The following DLGAP1 variants were observed in gnomAD, a reference collection of about 807,000 sequenced individuals.
The protein encoded by DLGAP1 is DLG associated protein 1, also known as disks large-associated protein 1.
A neutral mutation model predicts 90.8 loss-of-function variants in DLGAP1; 11 were observed. The observed-to-expected ratio is 0.12, with a 90% CI of 0.08 to 0.20. The LOEUF is 0.20. Among genes scored for constraint, DLGAP1 ranks in the 10% least tolerant of loss-of-function variants. The probability of loss-of-function intolerance (pLI) is 1.00; values close to 1 mark genes in which losing one functional copy is unlikely to be tolerated. For synonymous variants in DLGAP1, 558 were observed against 540.7 expected (o/e 1.03, Z -0.44); for missense variants, 1,050 against 1,333.8 (o/e 0.79, Z 3.31).
At chr18:3,730,601 TA>T (rs2062388167) in intron 6 of DLGAP1, among the ~76,000 whole-genome samples, 1 of 152,164 alleles carries the variant, frequency 6.6e-6, no homozygotes, top group South Asian at 2.1e-4. Context: ...ACCGAGAATT[TA>T]ACAAATTAAA....
intron 7 of DLGAP1, among the ~76,000 whole-genome samples, chr18:3,702,337 T>C (rs147185928): frequency 5.4e-4 from 82 of 152,366 alleles, no homozygotes; most frequent in Middle Eastern, 3.4e-3. Context: ...CTACCTTGAA[T>C]TTTAAAATAG....
chr18:3,984,780 C>T (rs2073808620), intron 3 of DLGAP1, among the ~76,000 whole-genome samples: 1 of 151,960 alleles, frequency 6.6e-6, no homozygotes, highest in African/African-American at 2.4e-5. Context: ...GTCTCACCAG[C>T]CCAGGTTCAT....
chr18:4,101,237 T>C (rs1033675936), intron 2 of DLGAP1, among the ~76,000 whole-genome samples: 1 of 152,130 alleles, frequency 6.6e-6, no homozygotes, highest in Non-Finnish European at 1.5e-5. Flanking sequence ...GAGGCCACTG[T>C]GGGATTACTA....
intron 4 of DLGAP1, chr18:3,874,552 C>A: frequency 6.8e-7 from 1 of 1,472,828 alleles, no homozygotes; most frequent in Non-Finnish European, 8.9e-7. Flanking sequence ...ACAACAAAAA[C>A]CACCTTTTAT....
rs562448050 is a variant in DLGAP1, at chr18:3,700,763, C to A, written c.1591+28372G>T. 2.6e-5 allele frequency among the ~76,000 whole-genome samples: 4 copies of A among 152,082 alleles called. No homozygotes were observed. In the South Asian group the frequency reaches 8.3e-4, roughly 32 times the overall value. On this transcript the variant is annotated intron_variant, in intron 7 of 12. Transcript: ENST00000315677. ...TAGCTGGGACTACAGGCGCCCACCA[C>A]CACGCCCGGCTAATTTTTTGTACTT...
chr18:3,532,469 C>T (rs999074814), intron 10 of DLGAP1, among the ~76,000 whole-genome samples: 4 of 151,510 alleles, frequency 2.6e-5, no homozygotes, highest in Admixed American at 6.6e-5. Flanking sequence ...ATCCCAGCTA[C>T]CTGGAGGCTG....
At chr18:3,779,659 C>T (rs1298066181) in intron 5 of DLGAP1, among the ~76,000 whole-genome samples, 2 of 152,166 alleles carry the variant, frequency 1.3e-5, no homozygotes, top group East Asian at 3.9e-4. Context: ...GTTTAAATCC[C>T]ATCTCCTCCA....
intron 5 of DLGAP1, among the ~76,000 whole-genome samples, chr18:3,792,101 C>T (rs1227698263): frequency 2.6e-5 from 4 of 152,308 alleles, no homozygotes; most frequent in Admixed American, 2.0e-4. Flanking sequence ...GCCCTATGCC[C>T]CAGCCCTGTA....
At chr18:3,510,078 G>A (rs939053202) in intron 10 of DLGAP1, among the ~76,000 whole-genome samples, 5 of 150,242 alleles carry the variant, frequency 3.3e-5, no homozygotes, top group African/African-American at 1.2e-4. Flanking sequence ...TCTTGGGATG[G>A]TTATCCTTTT....
At chr18:3,627,355 G>A (rs1367070475) in intron 7 of DLGAP1, among the ~76,000 whole-genome samples, 2 of 150,322 alleles carry the variant, frequency 1.3e-5, no homozygotes, top group South Asian at 2.1e-4. Context: ...GGCACTGACC[G>A]AGTCCCAGGC....
intron 6 of DLGAP1, among the ~76,000 whole-genome samples, chr18:3,741,213 A>C (rs1199760827): frequency 1.2e-5 from 1 of 86,332 alleles, no homozygotes; most frequent in Non-Finnish European, 2.3e-5. Context: ...CACCACCACC[A>C]CCACCACATC....
chr18:4,329,186 T>C (rs1010504015), intron 1 of DLGAP1, among the ~76,000 whole-genome samples: 15 of 152,098 alleles, frequency 9.9e-5, no homozygotes, highest in Non-Finnish European at 8.8e-5. Context: ...TGAATTGTTT[T>C]GTATGAAGGA....
At chr18:4,055,348 C>G (rs553550533) in intron 2 of DLGAP1, among the ~76,000 whole-genome samples, 1 of 152,102 alleles carries the variant, frequency 6.6e-6, no homozygotes, top group Admixed American at 6.5e-5. Context: ...AATTGCACAC[C>G]GTGAGAGTTT....
intron 7 of DLGAP1, among the ~76,000 whole-genome samples, chr18:3,701,319 G>A (rs1381750119): frequency 6.6e-6 from 1 of 152,186 alleles, no homozygotes; most frequent in Non-Finnish European, 1.5e-5. Flanking sequence ...GTCTATGTGT[G>A]GTGTTCCCGT....
In DLGAP1 at chr18:3,777,223, G is replaced by A. The variant is rs146959577; in HGVS notation, c.1173-34711C>T. Among the ~76,000 whole-genome samples, 48 of 152,218 alleles carry A rather than the reference G, an allele frequency of 3.2e-4. No individual in the cohort carries two copies. In the East Asian group the frequency reaches 8.7e-3, roughly 28 times the overall value. Reference sequence around the variant, plus strand: ...TTTCTTTTTAAACACCCATTCATAGGTATGGCTGGGGTGTTTTGGCAGAGA... The same window carrying A: ...TTTCTTTTTAAACACCCATTCATAGATATGGCTGGGGTGTTTTGGCAGAGA... On this transcript the variant is annotated intron_variant, in intron 5 of 12. Coordinates refer to ENST00000315677, the MANE Select transcript of DLGAP1 (RefSeq NM_004746.4).
At chr18:4,021,907 A>G (rs1486216987) in intron 2 of DLGAP1, among the ~76,000 whole-genome samples, 1 of 152,150 alleles carries the variant, frequency 6.6e-6, no homozygotes, top group Non-Finnish European at 1.5e-5. Context: ...CCTCTCAGGT[A>G]TTTCTTTATA....
chr18:3,895,039 G>C lies in DLGAP1; in HGVS notation c.-72-14899C>G, dbSNP rs140709500. On this transcript the variant is annotated intron_variant, in intron 3 of 12. Coordinates refer to ENST00000315677, the MANE Select transcript of DLGAP1 (RefSeq NM_004746.4). Reference sequence around the variant, plus strand: ...GTTGCCTGTCTCAGCAAAGAGTGCAGTGCCATGTGGTAAATTCCTCTCAGG... The same window carrying C: ...GTTGCCTGTCTCAGCAAAGAGTGCACTGCCATGTGGTAAATTCCTCTCAGG... Among the ~76,000 whole-genome samples the C allele has an allele frequency of 7.2e-4, 110 of 152,254 alleles. 2 individuals are homozygous for C. The East Asian group carries it at 0.018, about 25-fold the overall frequency.
intron 2 of DLGAP1, among the ~76,000 whole-genome samples, chr18:4,057,801 G>A (rs1052815224): frequency 1.8e-4 from 27 of 152,294 alleles, no homozygotes; most frequent in African/African-American, 6.3e-4. Flanking sequence ...ACTTGGATAT[G>A]TCACCCAGTG....
At chr18:4,322,887 G>A (rs1406650889) in intron 1 of DLGAP1, among the ~76,000 whole-genome samples, 2 of 146,118 alleles carry the variant, frequency 1.4e-5, no homozygotes, top group African/African-American at 5.2e-5. Context: ...CATGAACCCG[G>A]GAGGCGGAGA....
Sources: gnomAD v4.1 joint callset for allele counts (sites outside exome capture counted in the v4.1 genomes callset) on GRCh38, gnomAD v4.1.1 for gene constraint, MANE v1.5 for transcripts, NCBI Gene and HGNC (gene_info 2026-07-23, HGNC 2026-07-21) for gene names.